The following SGCZ variants were observed in gnomAD, a reference collection of about 807,000 sequenced individuals.
SGCZ encodes zeta-sarcoglycan.
In SGCZ, 40 loss-of-function variants were observed where a neutral mutation model predicts 41.3. The observed-to-expected ratio is 0.97, with a 90% confidence interval of 0.75 to 1.26. The LOEUF (loss-of-function observed/expected upper bound fraction) is 1.26, where lower values mean the gene tolerates loss of function less well. Ranked by LOEUF, SGCZ falls within the 50% of genes most tolerant of loss-of-function variation. The probability of loss-of-function intolerance (pLI) is 0.00; values close to 1 mark genes in which losing one functional copy is unlikely to be tolerated. For synonymous variants in SGCZ, 206 were observed against 137.5 expected, an observed-to-expected ratio of 1.50 and a Z score of -3.49; for missense variants, 552 against 369.8, an observed-to-expected ratio of 1.49 and a Z score of -4.04.
chr8:14,778,051 G>A (rs1226571722), intron 1 of SGCZ, among the ~76,000 whole-genome samples: 3 of 151,976 alleles, frequency 2.0e-5, no homozygotes, highest in African/African-American at 7.2e-5. Flanking sequence ...AGCCTCCCTA[G>A]TAGCTGAGAA....
At chr8:15,168,540 C>A (rs1423220931) in intron 1 of SGCZ, among the ~76,000 whole-genome samples, 1 of 151,928 alleles carries the variant, frequency 6.6e-6, no homozygotes, top group Non-Finnish European at 1.5e-5. Flanking sequence ...GTCGCTGGAA[C>A]TCGGGGATGC....
At chr8:14,541,743 C>T (rs536337317) in intron 2 of SGCZ, among the ~76,000 whole-genome samples, 1 of 152,226 alleles carries the variant, frequency 6.6e-6, no homozygotes, top group South Asian at 2.1e-4. Context: ...TTTACACTCC[C>T]ATTAACAGTG....
At chr8:14,124,432 T>C (rs1450277085) in intron 5 of SGCZ, among the ~76,000 whole-genome samples, 2 of 152,190 alleles carry the variant, frequency 1.3e-5, no homozygotes, top group African/African-American at 2.4e-5. Context: ...AATTTATTTT[T>C]ATATACTCCA....
chr8:14,714,267 C>A (rs1809617204), intron 1 of SGCZ, among the ~76,000 whole-genome samples: 3 of 152,008 alleles, frequency 2.0e-5, no homozygotes, highest in African/African-American at 4.8e-5. Context: ...GTGTCCGACC[C>A]TGAAATTTTC....
chr8:14,669,019 G>C (rs989356428), intron 1 of SGCZ, among the ~76,000 whole-genome samples: 2 of 151,828 alleles, frequency 1.3e-5, no homozygotes, highest in African/African-American at 4.8e-5. Flanking sequence ...TTGTTAACTA[G>C]AGTTACAATA....
chr8:14,718,235 A>T (rs1235463919), intron 1 of SGCZ, among the ~76,000 whole-genome samples: 1 of 151,936 alleles, frequency 6.6e-6, no homozygotes, highest in Non-Finnish European at 1.5e-5. Flanking sequence ...TTGAAAGTGA[A>T]TTTTTTAATG....
At chr8:15,222,296 T>C (rs1212383315) in intron 1 of SGCZ, among the ~76,000 whole-genome samples, 4 of 152,142 alleles carry the variant, frequency 2.6e-5, no homozygotes, top group Non-Finnish European at 4.4e-5. Context: ...CCAACTTGGG[T>C]CAGGCATTTC....
chr8:14,923,230 G>T (rs1416384805), intron 1 of SGCZ, among the ~76,000 whole-genome samples: 2 of 152,186 alleles, frequency 1.3e-5, no homozygotes, highest in Non-Finnish European at 2.9e-5. Flanking sequence ...ACATTGGCCA[G>T]TGTAGGCAGC....
At chr8:14,387,753 T>C (rs970661035) in intron 2 of SGCZ, among the ~76,000 whole-genome samples, 1 of 152,008 alleles carries the variant, frequency 6.6e-6, no homozygotes, top group African/African-American at 2.4e-5. Context: ...AATTTTATTA[T>C]TGTTATTTAC....
intron 1 of SGCZ, among the ~76,000 whole-genome samples, chr8:15,205,277 G>C (rs9918915): frequency 0.055 from 8,311 of 152,192 alleles, 258 homozygotes; most frequent in South Asian, 0.074. Context: ...AAGTTTAAAA[G>C]ATTTTGCACA....
chr8:14,845,543 A>G (rs1039231729), intron 1 of SGCZ, among the ~76,000 whole-genome samples: 8 of 152,172 alleles, frequency 5.3e-5, no homozygotes, highest in African/African-American at 1.4e-4. Flanking sequence ...AAACTGACCT[A>G]AAGTTGACAA....
At chr8:14,415,690 T>C (rs1431950130) in intron 2 of SGCZ, among the ~76,000 whole-genome samples, 2 of 151,932 alleles carry the variant, frequency 1.3e-5, no homozygotes, top group Non-Finnish European at 2.9e-5. Context: ...CTGTATTTTG[T>C]TCGTTTAGAT....
intron 2 of SGCZ, among the ~76,000 whole-genome samples, chr8:14,544,029 G>A (rs1803549616): frequency 6.6e-6 from 1 of 152,074 alleles, no homozygotes; most frequent in African/African-American, 2.4e-5. Context: ...CGAGCACAGA[G>A]TAATTATTTG....
intron 3 of SGCZ, among the ~76,000 whole-genome samples, chr8:14,257,420 A>G (rs1799504421): frequency 6.6e-6 from 1 of 152,058 alleles, no homozygotes; most frequent in South Asian, 2.1e-4. Flanking sequence ...CTTTTACTCT[A>G]AAACTGTTTT....
intron 1 of SGCZ, among the ~76,000 whole-genome samples, chr8:14,593,461 G>A (rs1173254805): frequency 2.0e-5 from 3 of 152,124 alleles, no homozygotes; most frequent in Admixed American, 6.5e-5. Context: ...AAGTCACTAA[G>A]TTTGTAGTAA....
intron 1 of SGCZ, among the ~76,000 whole-genome samples, chr8:15,123,775 G>C (rs1279995692): frequency 6.6e-6 from 1 of 152,186 alleles, no homozygotes; most frequent in Non-Finnish European, 1.5e-5. Context: ...AACATAATGC[G>C]ATAAGCATAA....
At chr8:14,847,532 TA>T (rs1027065214) in intron 1 of SGCZ, among the ~76,000 whole-genome samples, 3 of 151,504 alleles carry the variant, frequency 2.0e-5, no homozygotes, top group African/African-American at 7.3e-5. Context: ...ATACATAAGA[TA>T]ATATCAATAG....
chr8:14,155,193 G>C (rs910890786), intron 5 of SGCZ, among the ~76,000 whole-genome samples: 4 of 152,130 alleles, frequency 2.6e-5, no homozygotes, highest in Admixed American at 2.6e-4. Flanking sequence ...ATTTTTCCTT[G>C]ATTCCTGACC....
At chr8:14,144,291 C>T (rs949867066) in intron 5 of SGCZ, among the ~76,000 whole-genome samples, 1 of 152,172 alleles carries the variant, frequency 6.6e-6, no homozygotes, top group African/African-American at 2.4e-5. Context: ...AGCTTAGTCA[C>T]AGCAAGATAA....
Sources: allele counts gnomAD v4.1 joint callset (sites outside exome capture counted in the v4.1 genomes callset), GRCh38; gene constraint gnomAD v4.1.1; transcripts MANE v1.5; gene names NCBI Gene and HGNC (gene_info 2026-07-23, HGNC 2026-07-21).